COPG2: variants seen among roughly 807,000 people sequenced by gnomAD.
COPG2 encodes the protein coat protein complex I subunit gamma 2.
A neutral mutation model predicts 46.3 loss-of-function variants in COPG2; 37 were observed. The observed-to-expected ratio is 0.80, with a 90% CI of 0.61 to 1.05. The LOEUF is 1.05. Among genes scored for constraint, COPG2 ranks in the 50% least tolerant of loss-of-function variants. The pLI is 0.00. For missense variants in COPG2, 427 were observed against 387.8 expected, an observed-to-expected ratio of 1.10 and a Z score of -0.85; for synonymous variants, 159 against 129.7, an observed-to-expected ratio of 1.23 and a Z score of -1.53.
intron 5 of COPG2, among the ~76,000 whole-genome samples, chr7:130,636,880 T>C (rs550858420): frequency 2.6e-5 from 4 of 152,338 alleles, no homozygotes; most frequent in Admixed American, 2.6e-4. Context: ...CTTTCCATAT[T>C]TAGTGCTCCT....
chr7:130,526,579 TGGGCAGGACAGCCAC>T (rs1799776423), intron 20 of COPG2, among the ~76,000 whole-genome samples: 1 of 151,414 alleles, frequency 6.6e-6, no homozygotes. Context: ...GGAAGGGAGC[TGGGCAGGACAGCCAC>T]AGGCAGGACA....
At chr7:130,512,961 T>G (rs1394675286) in intron 20 of COPG2, among the ~76,000 whole-genome samples, 2 of 151,798 alleles carry the variant, frequency 1.3e-5, no homozygotes, top group African/African-American at 4.8e-5. Context: ...GATGAAAAGA[T>G]GTAGGATTTA....
intron 9 of COPG2, among the ~76,000 whole-genome samples, chr7:130,607,047 C>T (rs1784370016): frequency 6.6e-6 from 1 of 151,798 alleles, no homozygotes; most frequent in Admixed American, 6.6e-5. Context: ...TTGAGACCGG[C>T]CTGGGCAACA....
At position 130,605,203 on chromosome 7, in the gene COPG2, CACTA is replaced by C. The variant is rs781866537; in HGVS notation, c.737+5746_737+5749del. The C allele has an allele frequency of 7.5e-5, 39 of 520,108 alleles. No individual in the cohort carries two copies. In the Middle Eastern group the frequency reaches 1.6e-3, roughly 21 times the overall value. The allele number at this position is 520,108 out of a possible 1,614,324, so 32.2% of individuals were successfully genotyped here. A position where few individuals can be genotyped will look rare whatever the true frequency, so the allele number is the denominator to read the frequency against. On this transcript the variant is annotated intron_variant, in intron 9 of 23. Coordinates refer to ENST00000425248, the MANE Select transcript of COPG2 (RefSeq NM_012133.6). ...CTTTCTCCTGCTCTATCTTCAAATT[CACTA>C]ACTCTCTTTGACTCTCTCATCAGCC... is the stretch of plus-strand genomic sequence containing the variant.
intron 20 of COPG2, among the ~76,000 whole-genome samples, chr7:130,535,153 G>C (rs1799866612): frequency 2.0e-5 from 3 of 152,336 alleles, no homozygotes; most frequent in South Asian, 4.1e-4. Context: ...GACTGAGTCA[G>C]ATGAAGCGAC....
rs543561764 is a variant in COPG2 at position 130,575,676 on chromosome 7, C to A, written c.738-11283G>T. 2.6e-5 allele frequency among the ~76,000 whole-genome samples: 4 copies of A among 152,070 alleles called. No individual in the cohort carries two copies. In the South Asian group the frequency reaches 6.2e-4, roughly 24 times the overall value. On this transcript the variant is annotated intron_variant, in intron 9 of 23. Transcript: ENST00000425248. ...AAGGCAAAAACAAAAAACAAAAAAACCAAAGTACACAGGCAACAAATAGCA... is the reference window on the plus strand; with the variant it reads ...AAGGCAAAAACAAAAAACAAAAAAAACAAAGTACACAGGCAACAAATAGCA...
rs782529272 is a variant in COPG2 at position 130,611,000 on chromosome 7, G to A, written c.690C>T (p.Cys230=). 6.8e-6 allele frequency: 11 copies of A among 1,613,914 alleles called. No homozygotes were observed. The Admixed American group carries it at 8.3e-5, about 12-fold the overall frequency. Residue 230 remains cysteine (C), a synonymous_variant, in exon 9 of 24, where the codon TGC becomes TGT. Transcript: ENST00000425248. ...AGCGACTGGCAATTCGGATCAGCAT[G>A]CAGTAAGCAAACTGTGACTTGAGAC... is the stretch of plus-strand genomic sequence containing the variant. ...KSGLKSQFAY[C]MLIRIASRLL...
intron 9 of COPG2, chr7:130,610,141 C>T (rs368397939): frequency 1.9e-6 from 1 of 517,124 alleles, no homozygotes; most frequent in African/African-American, 1.9e-5. Context: ...GTTTGCTAGA[C>T]ACTGCTTATA....
At chr7:130,589,378 G>A (rs191850167) in intron 9 of COPG2, among the ~76,000 whole-genome samples, 5 of 151,856 alleles carry the variant, frequency 3.3e-5, no homozygotes, top group Admixed American at 2.0e-4. Flanking sequence ...AACCTTGAAG[G>A]CCTTCTGTGA....
rs782812455 is a variant in COPG2 at position 130,662,957 on chromosome 7, A to G, written c.243+10T>C. 4.6e-6 allele frequency: 7 copies of G among 1,523,586 alleles called. No homozygotes were observed. The South Asian group carries it at 7.4e-5, about 16-fold the overall frequency. 94.4% of individuals were successfully genotyped at this position (1,523,586 alleles called of 1,614,324 possible). A position where few individuals can be genotyped will look rare whatever the true frequency, so the allele number is the denominator to read the frequency against. ...GTTTTTCATCGTAAAAAAAATTTAA[A>G]AAGACTTACATCATTAGATTGAAAC... is the stretch of plus-strand genomic sequence containing the variant. On this transcript the variant is annotated intron_variant, in intron 4 of 23. Transcript: ENST00000425248.
chr7:130,545,206 A>ATTTCATTTCATT (rs1793419530), intron 20 of COPG2, among the ~76,000 whole-genome samples: 1 of 149,698 alleles, frequency 6.7e-6, no homozygotes, highest in African/African-American at 2.5e-5. Context: ...ATTTCATTTC[A>ATTTCATTTCATT]TCCTATAACA....
intron 5 of COPG2, among the ~76,000 whole-genome samples, chr7:130,642,776 A>T (rs1322872968): frequency 1.3e-5 from 2 of 152,364 alleles, no homozygotes; most frequent in Middle Eastern, 3.4e-3. Flanking sequence ...TAAGCCCAGC[A>T]CTTTGGGAGG....
In COPG2 at chr7:130,645,286, T is replaced by C; in HGVS notation, c.323+7583A>G. On this transcript the variant is annotated intron_variant, in intron 5 of 23. Coordinates refer to ENST00000425248, the MANE Select transcript of COPG2 (RefSeq NM_012133.6). ...AGATATTACCTGGGGGGCCACAAAA[T>C]ACTCCTTCACGACGCAATGGGAGTT... is the stretch of plus-strand genomic sequence containing the variant. 4 of 625,010 alleles carry C rather than the reference T, an allele frequency of 6.4e-6. 1 individual carries two copies. The highest frequency in any genetic ancestry group is 4.1e-5 in the South Asian group (3 of 73,324). 38.7% of individuals were successfully genotyped at this position (625,010 alleles called of 1,614,324 possible). A position where few individuals can be genotyped will look rare whatever the true frequency, so the allele number is the denominator to read the frequency against.
At chr7:130,535,324 AAGAC>A (rs1799867973) in intron 20 of COPG2, among the ~76,000 whole-genome samples, 1 of 152,090 alleles carries the variant, frequency 6.6e-6, no homozygotes, top group South Asian at 2.1e-4. Context: ...TCACCTACAG[AAGAC>A]AGACAGGGTG....
chr7:130,633,136 A>G (rs1234537217), intron 5 of COPG2, among the ~76,000 whole-genome samples: 7 of 152,016 alleles, frequency 4.6e-5, no homozygotes, highest in African/African-American at 1.4e-4. Flanking sequence ...TCTTTATCCA[A>G]TCTATCATTG....
At chr7:130,577,083 C>G (rs142539856) in intron 9 of COPG2, among the ~76,000 whole-genome samples, 13 of 152,258 alleles carry the variant, frequency 8.5e-5, no homozygotes, top group African/African-American at 2.6e-4. Flanking sequence ...ATCCCCTGAA[C>G]AGACCAATAA....
chr7:130,546,167 T>C (rs1467396771), intron 20 of COPG2, among the ~76,000 whole-genome samples: 23 of 152,244 alleles, frequency 1.5e-4, no homozygotes, highest in Admixed American at 1.1e-3. Context: ...AGGAGGAATT[T>C]TGAAACATGG....
rs1799476867 is a variant in COPG2, at chr7:130,506,286, G to GACAAAAGTGGACTCTGGCTTCCCC, written c.*366_*389dup. ...TTTTCTATTAATAAAAATGAATTGT[G>GACAAAAGTGGACTCTGGCTTCCCC]ACAAAAGTGGACTCTGGCTTCCCCT... On this transcript the variant is annotated 3_prime_UTR_variant, in exon 24 of 24. Transcript: ENST00000425248. 6.6e-6 allele frequency: 1 copy of GACAAAAGTGGACTCTGGCTTCCCC among 151,736 alleles called. No homozygotes were observed. Among genetic ancestry groups the GACAAAAGTGGACTCTGGCTTCCCC allele is most frequent in the African/African-American group, 2.4e-5 (1 of 41,302 alleles). The allele number at this position is 151,736 out of a possible 1,614,324, so 9.4% of individuals were successfully genotyped here. A position where few individuals can be genotyped will look rare whatever the true frequency, so the allele number is the denominator to read the frequency against.
rs371696273 is a variant in COPG2 at position 130,506,639 on chromosome 7, T to C, written c.*37A>G. ...CACTAGCCTAAAAGCCCACTGACCA[T>C]GTAGTGTGCATCAGTTTCCTCTTGT... is the stretch of plus-strand genomic sequence containing the variant. On this transcript the variant is annotated 3_prime_UTR_variant, in exon 24 of 24. Coordinates refer to ENST00000425248, the MANE Select transcript of COPG2 (RefSeq NM_012133.6). The C allele has an allele frequency of 2.6e-6, 2 of 767,350 alleles. No individual in the cohort carries two copies. Among genetic ancestry groups the C allele is most frequent in the East Asian group, 2.5e-5 (1 of 40,632 alleles). 47.5% of individuals were successfully genotyped at this position (767,350 alleles called of 1,614,324 possible). A position where few individuals can be genotyped will look rare whatever the true frequency, so the allele number is the denominator to read the frequency against.
Sources: gnomAD v4.1 joint callset for allele counts (sites outside exome capture counted in the v4.1 genomes callset) on GRCh38, gnomAD v4.1.1 for gene constraint, MANE v1.5 for transcripts, NCBI Gene and HGNC (gene_info 2026-07-23, HGNC 2026-07-21) for gene names.